CDK5RAP2: variants seen among roughly 807,000 people sequenced by gnomAD.
CDK5RAP2 encodes the protein CDK5 regulatory subunit associated protein 2, also known as CDK5 regulatory subunit-associated protein 2.
CDK5RAP2 carries 147 observed loss-of-function variants against 232.9 expected under a neutral mutation model. The observed-to-expected ratio is 0.63, with a 90% CI of 0.55 to 0.72. The LOEUF is 0.72. Ranked by LOEUF, CDK5RAP2 falls within the 30% of genes least tolerant of loss-of-function variation. The pLI is 0.00. For missense variants in CDK5RAP2, 2,195 were observed against 2,231.5 expected, an observed-to-expected ratio of 0.98 and a Z score of 0.33; for synonymous variants, 833 against 833.7, an observed-to-expected ratio of 1.00 and a Z score of 0.01.
chr9:120,511,197 T>C (rs73660271), intron 12 of CDK5RAP2, among the ~76,000 whole-genome samples: 3,437 of 152,276 alleles, frequency 0.023, 121 homozygotes, highest in African/African-American at 0.077. Flanking sequence ...GCAATAAATG[T>C]TGTTGGCATG....
intron 27 of CDK5RAP2, among the ~76,000 whole-genome samples, chr9:120,415,738 C>T (rs1328301856): frequency 6.6e-6 from 1 of 152,180 alleles, no homozygotes; most frequent in Non-Finnish European, 1.5e-5. Flanking sequence ...TACTTCTATA[C>T]TTAGCCTTAG....
chr9:120,545,985 A>C lies in CDK5RAP2; in HGVS notation c.307-195T>G, dbSNP rs2041826499. On this transcript the variant is annotated intron_variant, in intron 4 of 37. Transcript: ENST00000349780. The stretch of plus-strand genomic sequence containing the variant: ...ATTAAACACTGGTGGTCTCAAAAGA[A>C]AGACCTAGATTTTGTGAGACTTGGA... Among the ~76,000 whole-genome samples, 4 of 152,334 alleles carry C rather than the reference A, an allele frequency of 2.6e-5. No homozygotes were observed. In the South Asian group the frequency reaches 8.3e-4, roughly 32 times the overall value.
At chr9:120,423,427 A>T (rs2034690252) in intron 25 of CDK5RAP2, among the ~76,000 whole-genome samples, 1 of 152,226 alleles carries the variant, frequency 6.6e-6, no homozygotes, top group South Asian at 2.1e-4. Context: ...GATTAAAACT[A>T]GGAAAAGGAG....
intron 3 of CDK5RAP2, among the ~76,000 whole-genome samples, chr9:120,557,985 C>T (rs990428476): frequency 1.1e-4 from 16 of 149,106 alleles, no homozygotes; most frequent in African/African-American, 3.7e-4. Context: ...AGGCTGATCT[C>T]GAACTCCTGA....
At chr9:120,554,086 T>C (rs1010648798) in intron 3 of CDK5RAP2, among the ~76,000 whole-genome samples, 1 of 152,220 alleles carries the variant, frequency 6.6e-6, no homozygotes, top group Non-Finnish European at 1.5e-5. Context: ...TGTGCACTCA[T>C]AGGAAATTAA....
intron 5 of CDK5RAP2, among the ~76,000 whole-genome samples, chr9:120,543,309 T>C (rs573669511): frequency 2.0e-5 from 3 of 152,336 alleles, no homozygotes; most frequent in Admixed American, 1.3e-4. Flanking sequence ...GCATCCAGAA[T>C]GACCTTTTCA....
chr9:120,443,830 A>C (rs2036036904), intron 22 of CDK5RAP2, 88 bp from the exon 23 acceptor site: 1 of 1,568,380 alleles, frequency 6.4e-7, no homozygotes, highest in Non-Finnish European at 8.7e-7. Flanking sequence ...ACAAAGATAC[A>C]ACAGGGAAAA....
intron 23 of CDK5RAP2, among the ~76,000 whole-genome samples, chr9:120,443,400 G>A (rs1428527727): frequency 3.9e-5 from 6 of 152,322 alleles, no homozygotes; most frequent in African/African-American, 1.4e-4. Context: ...GGACGGGTGG[G>A]TTCTGACATC....
intron 12 of CDK5RAP2, among the ~76,000 whole-genome samples, chr9:120,505,684 G>A (rs2131743011): frequency 6.6e-6 from 1 of 152,346 alleles, no homozygotes; most frequent in East Asian, 1.9e-4. Context: ...TGGTAAGAAA[G>A]CTAAACAGCC....
In CDK5RAP2 at chr9:120,487,360, A is replaced by C. The variant is rs763655890; in HGVS notation, c.1560T>G (p.Ser520Arg). 1 of 1,613,918 alleles carries C rather than the reference A, an allele frequency of 6.2e-7. No homozygotes were observed. Among genetic ancestry groups the C allele is most frequent in the Non-Finnish European group, 8.5e-7 (1 of 1,179,940 alleles). The part of the protein sequence containing the change: ...LMAAEDLELR[S>R]EGLITEKCSS... ...AGCACTTTTCTGTTATTAAGCCTTC[A>C]CTCCTGAGCTCAAGATCCTCTGCAG... Residue 520 changes from serine (S) to arginine (R), a missense_variant, in exon 14 of 38, where the codon AGT becomes AGG. Transcript: ENST00000349780.
At chr9:120,529,785 A>G (rs746760298) in intron 8 of CDK5RAP2, among the ~76,000 whole-genome samples, 193 bp downstream of exon 8, 7 of 152,230 alleles carry the variant, frequency 4.6e-5, no homozygotes, top group Non-Finnish European at 1.0e-4. Context: ...CTTTATAGGA[A>G]CAGGAGACTA....
intron 11 of CDK5RAP2, 66 bp from the exon 12 acceptor site, chr9:120,518,711 C>T (rs768576538): frequency 9.9e-5 from 132 of 1,332,138 alleles, no homozygotes; most frequent in Non-Finnish European, 1.4e-4. Flanking sequence ...ACCAAGAAAC[C>T]TGGGCTCTTT....
chr9:120,494,712 A>G (rs2131658821), intron 12 of CDK5RAP2, among the ~76,000 whole-genome samples: 1 of 150,962 alleles, frequency 6.6e-6, no homozygotes, highest in South Asian at 2.1e-4. Flanking sequence ...GAAAATAACA[A>G]CTAGGTAAAC....
chr9:120,464,975 T>C (rs1363255101), intron 18 of CDK5RAP2, among the ~76,000 whole-genome samples: 1 of 152,214 alleles, frequency 6.6e-6, no homozygotes, highest in African/African-American at 2.4e-5. Flanking sequence ...CTGACAACCA[T>C]TTCTGTCCTT....
intron 15 of CDK5RAP2, 118 bp from the exon 16 acceptor site, chr9:120,471,996 G>A (rs1339628659): frequency 7.8e-7 from 1 of 1,290,218 alleles, no homozygotes; most frequent in African/African-American, 1.5e-5. Flanking sequence ...GGTTATAAAA[G>A]TATATACAGG....
chr9:120,553,033 G>A (rs2042103167), intron 3 of CDK5RAP2, among the ~76,000 whole-genome samples: 1 of 152,072 alleles, frequency 6.6e-6, no homozygotes, highest in South Asian at 2.1e-4. Flanking sequence ...AAAGTTGGGG[G>A]AAAAAATAGT....
chr9:120,486,278 G>A (rs2038596414), intron 14 of CDK5RAP2, among the ~76,000 whole-genome samples: 1 of 152,080 alleles, frequency 6.6e-6, no homozygotes, highest in Admixed American at 6.5e-5. Flanking sequence ...TGTACCAGTT[G>A]TTAATTATTT....
chr9:120,397,777 G>T (rs2032646943), intron 35 of CDK5RAP2, among the ~76,000 whole-genome samples: 1 of 152,134 alleles, frequency 6.6e-6, no homozygotes, highest in South Asian at 2.1e-4. Flanking sequence ...AAATCCAGTG[G>T]TTCTCAAACC....
In CDK5RAP2 at chr9:120,467,764, G is replaced by C. The variant is rs1009272940; in HGVS notation, c.2106+96C>G. On this transcript the variant is annotated intron_variant, in intron 18 of 37. Coordinates refer to ENST00000349780, the MANE Select transcript of CDK5RAP2 (RefSeq NM_018249.6). ...GGGCCCAAGTGATCCTCCCACCTCA[G>C]CCTCCCAAAGTGCTGGGATTACAGG... 86 of 1,339,482 alleles carry C rather than the reference G, an allele frequency of 6.4e-5. No homozygotes were observed. The Admixed American group carries it at 6.6e-4, about 10-fold the overall frequency. 83.0% of individuals were successfully genotyped at this position (1,339,482 alleles called of 1,614,324 possible). A position where few individuals can be genotyped will look rare whatever the true frequency, so the allele number is the denominator to read the frequency against.
Sources: gnomAD v4.1 joint callset for allele counts (sites outside exome capture counted in the v4.1 genomes callset) on GRCh38, gnomAD v4.1.1 for gene constraint, MANE v1.5 for transcripts, NCBI Gene and HGNC (gene_info 2026-07-23, HGNC 2026-07-21) for gene names.